Variants in HELLS observed in about 807,000 individuals in gnomAD.
The protein encoded by HELLS is helicase, lymphoid specific, also known as lymphoid-specific helicase.
In HELLS, 32 loss-of-function variants were observed where a neutral mutation model predicts 120.0. That is an observed-to-expected ratio of 0.27 (90% CI 0.20 to 0.36). The LOEUF (loss-of-function observed/expected upper bound fraction) is 0.36, where lower values mean the gene tolerates loss of function less well. Ranked by LOEUF, HELLS falls within the 10% of genes least tolerant of loss-of-function variation. The pLI, the probability that HELLS is intolerant of heterozygous loss-of-function variation, is 1.00. For missense variants in HELLS, 650 were observed against 993.4 expected (o/e 0.65, Z 4.65); for synonymous variants, 341 against 323.4 (o/e 1.05, Z -0.58).
At chr10:94,594,600 T>C (rs1162029099) in intron 18 of HELLS, 95 bp from the exon 19 acceptor site, 5 of 890,440 alleles carry the variant, frequency 5.6e-6, no homozygotes, top group Non-Finnish European at 8.2e-6. Flanking sequence ...ATTTAAAAGT[T>C]CCTGGCTAGA....
At chr10:94,603,353 C>G (rs562117749), downstream of HELLS, among the ~76,000 whole-genome samples, 13 of 152,188 alleles carry the variant, frequency 8.5e-5, no homozygotes, top group Non-Finnish European at 1.6e-4. Flanking sequence ...AGCAGCATTT[C>G]ATACAGTTGT....
downstream of HELLS, among the ~76,000 whole-genome samples, chr10:94,605,585 G>A (rs1055143677): frequency 1.3e-5 from 2 of 150,918 alleles, no homozygotes; most frequent in African/African-American, 4.9e-5. Flanking sequence ...TCAGAATTTC[G>A]AAAGTTGTTG....
chr10:94,555,341 G>A (rs1843199689), intron 3 of HELLS, among the ~76,000 whole-genome samples: 1 of 152,178 alleles, frequency 6.6e-6, no homozygotes, highest in Admixed American at 6.5e-5. Context: ...GAAGGCTGAG[G>A]CAGGAGGATC....
At chr10:94,582,499 A>G (rs918016127) in intron 11 of HELLS, among the ~76,000 whole-genome samples, 2 of 152,152 alleles carry the variant, frequency 1.3e-5, no homozygotes. Context: ...TGTAATATAT[A>G]TATTTTCAAC....
intron 6 of HELLS, among the ~76,000 whole-genome samples, chr10:94,565,070 C>T (rs1843724430): frequency 6.6e-6 from 1 of 152,218 alleles, no homozygotes; most frequent in Non-Finnish European, 1.5e-5. Flanking sequence ...GGAGCAGTGG[C>T]TCACGCCTGT....
chr10:94,596,242 C>T (rs772472275), intron 19 of HELLS, among the ~76,000 whole-genome samples: 16 of 152,108 alleles, frequency 1.1e-4, no homozygotes, highest in Non-Finnish European at 1.8e-4. Context: ...CTTAAATGTA[C>T]AGGTTAATGA....
intron 10 of HELLS, among the ~76,000 whole-genome samples, chr10:94,578,081 A>G (rs971141554): frequency 2.0e-5 from 3 of 149,840 alleles, no homozygotes; most frequent in Non-Finnish European, 4.5e-5. Context: ...AAAAAAAAAA[A>G]AAAAAAAAAA....
At chr10:94,562,000 C>T (rs1843581086) in intron 4 of HELLS, among the ~76,000 whole-genome samples, 1 of 150,742 alleles carries the variant, frequency 6.6e-6, no homozygotes, top group Non-Finnish European at 1.5e-5. Flanking sequence ...CCAGGATGGT[C>T]GTGATCTCCT....
At chr10:94,554,648 T>TG (rs1843158577) in intron 3 of HELLS, among the ~76,000 whole-genome samples, 1 of 137,184 alleles carries the variant, frequency 7.3e-6, no homozygotes, top group Non-Finnish European at 1.6e-5. Context: ...AATAGTGTTT[T>TG]TTTTTTTGTT....
At position 94,558,200 on chromosome 10, in the gene HELLS, T is replaced by C. The variant is rs780629297; in HGVS notation, c.333+5T>C. ...GAGTCTTTAAAAGTTAAAAAGGTAA[T>C]ATAGCCAGCCGGAATATTTTTTATG... On this transcript the variant is annotated splice_donor_5th_base_variant and intron_variant, in intron 4 of 21. Transcript: ENST00000348459. The C allele has an allele frequency of 5.1e-6, 8 of 1,554,500 alleles. No homozygotes were observed. Among genetic ancestry groups the C allele is most frequent in the Admixed American group, 2.2e-5 (1 of 45,286 alleles).
intron 13 of HELLS, 50 bp from the exon 14 acceptor site, chr10:94,590,363 T>C (rs1845423583): frequency 1.5e-5 from 23 of 1,501,884 alleles, no homozygotes; most frequent in Non-Finnish European, 2.1e-5. Flanking sequence ...ATTTAGAACC[T>C]AAGGACATAG....
chr10:94,575,787 G>C (rs896573123), intron 9 of HELLS, among the ~76,000 whole-genome samples: 3 of 149,568 alleles, frequency 2.0e-5, no homozygotes, highest in Admixed American at 6.7e-5. Flanking sequence ...GTGTGTGTGT[G>C]TGTGTGTGTG....
At chr10:94,574,777 G>T in intron 9 of HELLS, 41 bp downstream of exon 9, 1 of 1,458,486 alleles carries the variant, frequency 6.9e-7, no homozygotes, top group Non-Finnish European at 9.5e-7. Context: ...AATTTTACAT[G>T]TTTTCTTATG....
intron 2 of HELLS, among the ~76,000 whole-genome samples, chr10:94,551,897 A>C (rs558027353): frequency 6.6e-6 from 1 of 151,858 alleles, no homozygotes; most frequent in African/African-American, 2.4e-5. Flanking sequence ...CTGCAACCAC[A>C]CGCGGCTAAT....
chr10:94,559,297 C>A (rs1173807463), intron 4 of HELLS, among the ~76,000 whole-genome samples: 1 of 151,978 alleles, frequency 6.6e-6, no homozygotes, highest in East Asian at 1.9e-4. Context: ...AAAATGGCCC[C>A]CAACTATTGT....
chr10:94,566,158 A>G (rs1013406967), intron 6 of HELLS, among the ~76,000 whole-genome samples: 7 of 152,124 alleles, frequency 4.6e-5, no homozygotes, highest in African/African-American at 7.2e-5. Context: ...CTGGGATTAC[A>G]GGTCTGAGCC....
intron 10 of HELLS, among the ~76,000 whole-genome samples, chr10:94,578,857 A>G (rs902744247): frequency 6.6e-6 from 1 of 151,710 alleles, no homozygotes; most frequent in East Asian, 1.9e-4. Context: ...GCAGTTCACA[A>G]TAGTGTTCAT....
intron 12 of HELLS, chr10:94,584,064 A>G: frequency 7.3e-7 from 1 of 1,363,462 alleles, no homozygotes; most frequent in Non-Finnish European, 1.0e-6. Flanking sequence ...TCCAGAAAAG[A>G]TTTATATGAT....
At chr10:94,607,083 C>G (rs79685748), downstream of HELLS, among the ~76,000 whole-genome samples, 1 of 152,278 alleles carries the variant, frequency 6.6e-6, no homozygotes, top group East Asian at 1.9e-4. Flanking sequence ...GTAAAATACT[C>G]TACCCTGTCT....
Sources: gnomAD v4.1 joint callset for allele counts (sites outside exome capture counted in the v4.1 genomes callset) on GRCh38, gnomAD v4.1.1 for gene constraint, MANE v1.5 for transcripts, NCBI Gene and HGNC (gene_info 2026-07-23, HGNC 2026-07-21) for gene names.